FARS2: variants seen among roughly 807,000 people sequenced by gnomAD.
The protein encoded by FARS2 is phenylalanine--tRNA ligase, mitochondrial.
A neutral mutation model predicts 46.4 loss-of-function variants in FARS2; 40 were observed. The ratio of observed to expected loss-of-function variants is 0.86; its 90% CI spans 0.67 to 1.12. FARS2 has a LOEUF of 1.12. Among genes scored for constraint, FARS2 ranks in the 50% most tolerant of loss-of-function variants. The pLI is 0.00. For synonymous variants in FARS2, 234 were observed against 214.9 expected, an observed-to-expected ratio of 1.09 and a Z score of -0.78; for missense variants, 513 against 567.9, an observed-to-expected ratio of 0.90 and a Z score of 0.98.
At chr6:5,516,810 C>T (rs1582328251) in intron 4 of FARS2, among the ~76,000 whole-genome samples, 1 of 152,164 alleles carries the variant, frequency 6.6e-6, no homozygotes, top group African/African-American at 2.4e-5. Flanking sequence ...AATATGTTTA[C>T]TCAGGAACCC....
chr6:5,413,412 C>T (rs891025204), intron 3 of FARS2, among the ~76,000 whole-genome samples: 1 of 152,036 alleles, frequency 6.6e-6, no homozygotes, highest in Admixed American at 6.5e-5. Context: ...GGAACTACAC[C>T]CATTGCAAAC....
chr6:5,431,262 A>G (rs574469726), intron 4 of FARS2, 90 bp downstream of exon 4: 294 of 1,324,876 alleles, frequency 2.2e-4, no homozygotes, highest in Admixed American at 3.7e-4. Flanking sequence ...AGATATTTAC[A>G]TACTTCTATG....
At chr6:5,710,865 TTTG>T (rs1372198439) in intron 6 of FARS2, among the ~76,000 whole-genome samples, 1 of 152,002 alleles carries the variant, frequency 6.6e-6, no homozygotes, top group Non-Finnish European at 1.5e-5. Context: ...CAGGGAATAG[TTTG>T]TGCTCCCAGC....
chr6:5,621,616 C>T (rs1476755790), intron 6 of FARS2, among the ~76,000 whole-genome samples: 3 of 152,072 alleles, frequency 2.0e-5, no homozygotes, highest in Non-Finnish European at 4.4e-5. Context: ...CCAAGGAAAC[C>T]GAATAGCAAG....
chr6:5,595,184 T>C (rs1220139401), intron 5 of FARS2, among the ~76,000 whole-genome samples: 1 of 152,232 alleles, frequency 6.6e-6, no homozygotes, highest in Non-Finnish European at 1.5e-5. Context: ...TTCTTGTTTC[T>C]TCCTCTCTAG....
chr6:5,754,387 A>G (rs980977970), intron 6 of FARS2, among the ~76,000 whole-genome samples: 2 of 152,218 alleles, frequency 1.3e-5, no homozygotes, highest in East Asian at 3.9e-4. Context: ...TATTTACTCC[A>G]GCCTAGGGCA....
At chr6:5,736,683 A>G (rs1760977189) in intron 6 of FARS2, among the ~76,000 whole-genome samples, 3 of 150,776 alleles carry the variant, frequency 2.0e-5, no homozygotes. Flanking sequence ...TTTTTTTAAA[A>G]AATTGCATGT....
intron 6 of FARS2, among the ~76,000 whole-genome samples, chr6:5,700,952 A>G (rs1241661785): frequency 2.0e-5 from 3 of 152,192 alleles, no homozygotes. Context: ...TCAGATAAAT[A>G]CTTTACTTGA....
intron 5 of FARS2, among the ~76,000 whole-genome samples, chr6:5,607,992 T>C (rs1228872295): frequency 6.6e-6 from 1 of 152,174 alleles, no homozygotes; most frequent in Admixed American, 6.5e-5. Context: ...TATTTTTTTT[T>C]TTTTTTTAGT....
chr6:5,756,499 A>T (rs1356950722), intron 6 of FARS2, among the ~76,000 whole-genome samples: 1 of 102,796 alleles, frequency 9.7e-6, no homozygotes, highest in Non-Finnish European at 1.9e-5. Context: ...GCAGAGCAGG[A>T]GAGAGAGAGA....
chr6:5,253,546 C>T, the FARS2 span, among the ~76,000 whole-genome samples: 2 of 152,074 alleles, frequency 1.3e-5, no homozygotes, highest in Admixed American at 6.5e-5. Context: ...CAAAAAGCTG[C>T]AGCGACAACT....
intron 5 of FARS2, among the ~76,000 whole-genome samples, chr6:5,572,238 C>G (rs539596064): frequency 2.1e-4 from 32 of 152,040 alleles, no homozygotes; most frequent in Non-Finnish European, 3.5e-4. Flanking sequence ...AAGCTTACAG[C>G]CATGGCGGAA....
intron 4 of FARS2, among the ~76,000 whole-genome samples, chr6:5,477,027 C>A (rs1029071717): frequency 3.3e-5 from 5 of 152,174 alleles, no homozygotes; most frequent in African/African-American, 1.2e-4. Context: ...ATCCCTCTTT[C>A]TTTATAAAGA....
At chr6:5,450,912 T>G (rs1463899285) in intron 4 of FARS2, among the ~76,000 whole-genome samples, 1 of 152,192 alleles carries the variant, frequency 6.6e-6, no homozygotes, top group Admixed American at 6.5e-5. Flanking sequence ...TGATTCTCCA[T>G]GAAGGTATTC....
chr6:5,468,055 G>T (rs1022235977), intron 4 of FARS2, among the ~76,000 whole-genome samples: 9 of 152,182 alleles, frequency 5.9e-5, no homozygotes, highest in African/African-American at 2.2e-4. Flanking sequence ...AGTTGGAAGG[G>T]ACCTGAGAGA....
At chr6:5,766,710 A>G (rs1006414066) in intron 6 of FARS2, among the ~76,000 whole-genome samples, 1 of 152,152 alleles carries the variant, frequency 6.6e-6, no homozygotes, top group East Asian at 1.9e-4. Context: ...AAAGTGTACA[A>G]TTCAGTGGTA....
intron 5 of FARS2, among the ~76,000 whole-genome samples, chr6:5,578,024 A>G (rs1164714653): frequency 1.3e-5 from 2 of 152,126 alleles, no homozygotes; most frequent in Non-Finnish European, 2.9e-5. Flanking sequence ...GATAGTCTCA[A>G]TCTTCTGACC....
intron 4 of FARS2, among the ~76,000 whole-genome samples, chr6:5,454,518 G>A (rs1219108153): frequency 6.6e-6 from 1 of 151,832 alleles, no homozygotes; most frequent in Non-Finnish European, 1.5e-5. Flanking sequence ...CTAATTTTTT[G>A]TATTTTTAGT....
chr6:5,538,190 C>CCTTGGCAACAAATTACAG (rs1471908216), intron 4 of FARS2, among the ~76,000 whole-genome samples: 2 of 151,444 alleles, frequency 1.3e-5, no homozygotes, highest in Non-Finnish European at 2.9e-5. Context: ...CCCTGTCAGA[C>CCTTGGCAACAAATTACAG]CTGGGTACTT....
Sources: allele counts gnomAD v4.1 joint callset (sites outside exome capture counted in the v4.1 genomes callset), GRCh38; gene constraint gnomAD v4.1.1; transcripts MANE v1.5; gene names NCBI Gene and HGNC (gene_info 2026-07-23, HGNC 2026-07-21).